The following TNFSF15 variants were observed in gnomAD, a reference collection of about 807,000 sequenced individuals.
TNFSF15 encodes the protein tumor necrosis factor ligand superfamily member 15.
Under a neutral mutation model 26.4 loss-of-function variants are expected in TNFSF15, and 15 were observed. That is an observed-to-expected ratio of 0.57 (90% confidence interval 0.38 to 0.87). The LOEUF (loss-of-function observed/expected upper bound fraction) is 0.87, where lower values mean the gene tolerates loss of function less well. Ranked by LOEUF, TNFSF15 falls within the 40% of genes least tolerant of loss-of-function variation. The pLI is 0.00. For synonymous variants in TNFSF15, 116 were observed against 115.0 expected (o/e 1.01, Z -0.06); for missense variants, 290 against 306.1 (o/e 0.95, Z 0.39).
In TNFSF15 at chr9:114,789,084, T is replaced by A. The variant is rs1407053341; in HGVS notation, c.*1368A>T. 1 of 152,238 alleles carries A rather than the reference T, an allele frequency of 6.6e-6. No individual in the cohort carries two copies. The highest frequency in any genetic ancestry group is 1.5e-5 in the Non-Finnish European group (1 of 68,054). 9.4% of individuals were successfully genotyped at this position (152,238 alleles called of 1,614,324 possible). Reference sequence around the variant, plus strand: ...TCTAGGTTAACTTCTTCAGATTTGGTGATTGACTTCTTTTTTCCCTTCCCC... The same window carrying A: ...TCTAGGTTAACTTCTTCAGATTTGGAGATTGACTTCTTTTTTCCCTTCCCC... On this transcript the variant is annotated 3_prime_UTR_variant, in exon 4 of 4. Transcript: ENST00000374045.
chr9:114,797,986 C>G (rs915052378), intron 1 of TNFSF15, among the ~76,000 whole-genome samples: 5 of 152,298 alleles, frequency 3.3e-5, no homozygotes, highest in African/African-American at 1.2e-4. Context: ...ATCAGGAAGA[C>G]AGAGGCAGAC....
rs1392705533 is a variant in TNFSF15 at position 114,805,864 on chromosome 9, A to T, written c.149T>A (p.Leu50His). 1 of 1,613,868 alleles carries T rather than the reference A, an allele frequency of 6.2e-7. No homozygotes were observed. The highest frequency in any genetic ancestry group is 1.3e-5 in the African/African-American group (1 of 74,920). Reference sequence around the variant, plus strand: ...CTGGCTGACAAGCAGGTATGTGGTGAGTCCTGCAAGGAAGGGGAGCAACAC... The same window carrying T: ...CTGGCTGACAAGCAGGTATGTGGTGTGTCCTGCAAGGAAGGGGAGCAACAC... Reference protein sequence around the residue: ...CLVLLPFLAGLTTYLLVSQLR... With the variant: ...CLVLLPFLAGHTTYLLVSQLR... The change falls in exon 1 of 4, where the codon CTC becomes CAC. Residue 50 changes from leucine (L) to histidine (H), a missense_variant. Coordinates refer to ENST00000374045, the MANE Select transcript of TNFSF15 (RefSeq NM_005118.4).
rs1260462368 is a variant in TNFSF15, at chr9:114,787,003, T to C, written c.*3449A>G. ...GACTGAAACCATGCTAGCATCAAAATGTTAGTGATTCTGTGCATTTTGATC... is the reference window on the plus strand; with the variant it reads ...GACTGAAACCATGCTAGCATCAAAACGTTAGTGATTCTGTGCATTTTGATC... On this transcript the variant is annotated 3_prime_UTR_variant, in exon 4 of 4. Transcript: ENST00000374045. The C allele has an allele frequency of 1.3e-5, 2 of 151,500 alleles. No homozygotes were observed. The highest frequency in any genetic ancestry group is 1.9e-4 in the East Asian group (1 of 5,168). The allele number at this position is 151,500 out of a possible 1,614,324, so 9.4% of individuals were successfully genotyped here.
chr9:114,797,934 T>C (rs922510766), intron 1 of TNFSF15, among the ~76,000 whole-genome samples: 8 of 152,318 alleles, frequency 5.3e-5, no homozygotes, highest in Admixed American at 4.6e-4. Context: ...CCTGGCACTT[T>C]TGCCAGATTA....
At chr9:114,797,258 G>A (rs145014630) in intron 1 of TNFSF15, among the ~76,000 whole-genome samples, 1 of 152,188 alleles carries the variant, frequency 6.6e-6, no homozygotes, top group Non-Finnish European at 1.5e-5. Context: ...TGTTTGCTCT[G>A]CTGGACTTCT....
rs76980369 is a variant in TNFSF15 at position 114,796,822 on chromosome 9, T to C, written c.211-3254A>G. ...TGGGAAATGAATACATTATGTGCAT[T>C]TGGCACAGAGTCATGAGTACAGCAG... On this transcript the variant is annotated intron_variant, in intron 1 of 3. Coordinates refer to ENST00000374045, the MANE Select transcript of TNFSF15 (RefSeq NM_005118.4). 2.5e-3 allele frequency among the ~76,000 whole-genome samples: 378 copies of C among 152,338 alleles called. 1 individual carries two copies. The highest frequency in any genetic ancestry group is 8.6e-3 in the African/African-American group (356 of 41,572).
chr9:114,790,331 T>C lies in TNFSF15; in HGVS notation c.*121A>G. 2.0e-6 allele frequency: 2 copies of C among 984,466 alleles called. No individual in the cohort carries two copies. Among genetic ancestry groups the C allele is most frequent in the Non-Finnish European group, 3.0e-6 (2 of 663,310 alleles). The allele number at this position is 984,466 out of a possible 1,614,324, so 61.0% of individuals were successfully genotyped here. On this transcript the variant is annotated 3_prime_UTR_variant, in exon 4 of 4. Transcript: ENST00000374045. Reference sequence around the variant, plus strand: ...CCCAAATTTCATAGCTAAACCGTTGTCCCTGTGGAATGCCCCCTACTCCCG... The same window carrying C: ...CCCAAATTTCATAGCTAAACCGTTGCCCCTGTGGAATGCCCCCTACTCCCG...
At chr9:114,798,659 G>A (rs1338190240) in intron 1 of TNFSF15, among the ~76,000 whole-genome samples, 1 of 152,128 alleles carries the variant, frequency 6.6e-6, no homozygotes, top group East Asian at 1.9e-4. Flanking sequence ...GTCAAAGAGT[G>A]CATGGAGGGC....
rs1263817636 is a variant in TNFSF15 at position 114,788,611 on chromosome 9, T to G, written c.*1841A>C. On this transcript the variant is annotated 3_prime_UTR_variant, in exon 4 of 4. Coordinates refer to ENST00000374045, the MANE Select transcript of TNFSF15 (RefSeq NM_005118.4). ...CTACTGGAAACCAGAGTGAGAGTGA[T>G]TTTGGTGCCAAATTTCCTCTCAGAC... 1 of 152,218 alleles carries G rather than the reference T, an allele frequency of 6.6e-6. No homozygotes were observed. Among genetic ancestry groups the G allele is most frequent in the African/African-American group, 2.4e-5 (1 of 41,452 alleles). The allele number at this position is 152,218 out of a possible 1,614,324, so 9.4% of individuals were successfully genotyped here.
chr9:114,790,503 C>A lies in TNFSF15; in HGVS notation c.705G>T (p.Leu235Phe). Residue 235 changes from leucine to phenylalanine, a missense_variant, in exon 4 of 4, where the codon TTG (leucine) becomes TTT (phenylalanine). Around this residue, in one of 3 missense-constraint regions of TNFSF15, gnomAD observed 102 missense variants for 114.7 expected, o/e 0.89. Coordinates refer to ENST00000374045, the MANE Select transcript of TNFSF15 (RefSeq NM_005118.4). Reference sequence around the variant, plus strand: ...TTTTATCTTCTTTTGTGTAATCCACCAAAGAGATGTCACTGACGTTCACCA... The same window carrying A: ...TTTTATCTTCTTTTGTGTAATCCACAAAAGAGATGTCACTGACGTTCACCA... The part of the protein sequence containing the change: ...KLMVNVSDIS[L>F]VDYTKEDKTF... The A allele has an allele frequency of 6.2e-7, 1 of 1,613,908 alleles. No individual in the cohort carries two copies. Among genetic ancestry groups the A allele is most frequent in the Non-Finnish European group, 8.5e-7 (1 of 1,179,962 alleles).
rs1453014872 is a variant in TNFSF15 at position 114,787,758 on chromosome 9, C to T, written c.*2694G>A. 6.5e-6 allele frequency: 1 copy of T among 153,540 alleles called. No individual in the cohort carries two copies. The highest frequency in any genetic ancestry group is 2.1e-4 in the South Asian group (1 of 4,830). 9.5% of individuals were successfully genotyped at this position (153,540 alleles called of 1,614,324 possible). Reference sequence around the variant, plus strand: ...TTAGGAATGTCTGACTGTGCCTTTCCGTAAAAAATATACTATACAGAATTT... The same window carrying T: ...TTAGGAATGTCTGACTGTGCCTTTCTGTAAAAAATATACTATACAGAATTT... On this transcript the variant is annotated 3_prime_UTR_variant, in exon 4 of 4. Coordinates refer to ENST00000374045, the MANE Select transcript of TNFSF15 (RefSeq NM_005118.4).
At chr9:114,795,639 G>C (rs1294916528) in intron 1 of TNFSF15, among the ~76,000 whole-genome samples, 1 of 152,184 alleles carries the variant, frequency 6.6e-6, no homozygotes, top group Non-Finnish European at 1.5e-5. Context: ...TTCAGCATCT[G>C]CAGATTTTGG....
intron 1 of TNFSF15, among the ~76,000 whole-genome samples, chr9:114,798,550 T>C (rs1460407181): frequency 1.3e-5 from 2 of 152,130 alleles, no homozygotes; most frequent in Admixed American, 6.5e-5. Context: ...CATTTATGTG[T>C]TTGCCTCATC....
rs1829584784 is a variant in TNFSF15, at chr9:114,790,772, C to T, written c.436G>A (p.Asp146Asn). 2 of 1,613,934 alleles carry T rather than the reference C, an allele frequency of 1.2e-6. No homozygotes were observed. The highest frequency in any genetic ancestry group is 2.7e-5 in the African/African-American group (2 of 74,890). ...GTGACCTGGGAGTAAATGAAGTAGT[C>T]TCCCGACTCTGGGATCAGCAGGAAT... is the stretch of plus-strand genomic sequence containing the variant. ...NKFLLIPESGDYFIYSQVTFR... is the reference protein window; with the variant it reads ...NKFLLIPESGNYFIYSQVTFR... The change falls in exon 4 of 4, where the codon GAC becomes AAC. Residue 146 changes from aspartate to asparagine, a missense_variant. Physicochemically the swap from Asp to Asn is conservative, Grantham distance 23. Transcript: ENST00000374045.
At chr9:114,798,318 CCTA>C (rs1029976790) in intron 1 of TNFSF15, among the ~76,000 whole-genome samples, 3 of 152,194 alleles carry the variant, frequency 2.0e-5, no homozygotes, top group African/African-American at 7.2e-5. Context: ...CTTCTCTTCC[CCTA>C]CCCTCCTTAG....
chr9:114,789,438 C>T lies in TNFSF15; in HGVS notation c.*1014G>A, dbSNP rs1857335. 41,365 of 152,146 alleles carry T rather than the reference C, an allele frequency of 0.27. 5,890 individuals are homozygous for T. The highest frequency in any genetic ancestry group is 0.34 in the Admixed American group (5,120 of 15,282). 9.4% of individuals were successfully genotyped at this position (152,146 alleles called of 1,614,324 possible). On this transcript the variant is annotated 3_prime_UTR_variant, in exon 4 of 4. Coordinates refer to ENST00000374045, the MANE Select transcript of TNFSF15 (RefSeq NM_005118.4). ...CAAGCAATTCTTCTGCCTCGGCCTC[C>T]TGAGTAGCCAGGATTACAGCCATGC...
At chr9:114,804,485 G>A (rs1829790851) in intron 1 of TNFSF15, among the ~76,000 whole-genome samples, 1 of 152,164 alleles carries the variant, frequency 6.6e-6, no homozygotes, top group African/African-American at 2.4e-5. Flanking sequence ...GCTTCCTTCA[G>A]ACCCCAGTGC....
intron 1 of TNFSF15, among the ~76,000 whole-genome samples, chr9:114,799,845 C>T (rs1169382959): frequency 6.6e-6 from 1 of 152,204 alleles, no homozygotes; most frequent in Non-Finnish European, 1.5e-5. Flanking sequence ...GCTTGCCCTT[C>T]CTGCCTCTGC....
intron 3 of TNFSF15, 87 bp from the exon 4 acceptor site, chr9:114,790,993 A>T: frequency 7.4e-7 from 1 of 1,357,874 alleles, no homozygotes; most frequent in Non-Finnish European, 1.0e-6. Flanking sequence ...TTCAAAATAG[A>T]CTAAAGTGAT....
Sources: gnomAD v4.1 joint callset for allele counts (sites outside exome capture counted in the v4.1 genomes callset) on GRCh38, gnomAD v4.1.1 for gene constraint, gnomAD v4.1.1 regional missense constraint, MANE v1.5 for transcripts, NCBI Gene and HGNC (gene_info 2026-07-23, HGNC 2026-07-21) for gene names.